Variants in PDE1A observed in about 807,000 individuals in gnomAD.
The protein encoded by PDE1A is phosphodiesterase 1A, also known as dual specificity calcium/calmodulin-dependent 3',5'-cyclic nucleotide phosphodiesterase 1A.
In PDE1A, 35 loss-of-function variants were observed where a neutral mutation model predicts 61.7. The observed-to-expected ratio is 0.57, with a 90% CI of 0.43 to 0.75. The LOEUF (loss-of-function observed/expected upper bound fraction) is 0.75. PDE1A is among the 30% of genes least tolerant of loss of function. PDE1A has a pLI of 0.00. For synonymous variants in PDE1A, 232 were observed against 213.2 expected (o/e 1.09, Z -0.77); for missense variants, 597 against 630.6 (o/e 0.95, Z 0.57).
upstream of PDE1A, among the ~76,000 whole-genome samples, chr2:182,524,003 CA>C (rs1427313482): frequency 6.6e-6 from 1 of 152,070 alleles, no homozygotes; most frequent in Non-Finnish European, 1.5e-5. Context: ...CTTTCTCAGA[CA>C]AGATATTTCC....
chr2:182,273,431 T>C (rs1025649463), intron 1 of PDE1A, among the ~76,000 whole-genome samples: 2 of 151,674 alleles, frequency 1.3e-5, no homozygotes, highest in African/African-American at 4.8e-5. Context: ...TTTAGGCATA[T>C]GGCTAAGCCA....
At chr2:182,621,156 T>A in the PDE1A span, among the ~76,000 whole-genome samples, 1 of 152,294 alleles carries the variant, frequency 6.6e-6, no homozygotes, top group East Asian at 1.9e-4. Context: ...AGTCTGAGAA[T>A]TGGGAGCAGA....
At chr2:182,303,823 G>A (rs992000415) in intron 1 of PDE1A, among the ~76,000 whole-genome samples, 10 of 152,156 alleles carry the variant, frequency 6.6e-5, no homozygotes, top group Admixed American at 6.5e-4. Context: ...TGGATAAACT[G>A]CTGCAGCTTT....
intron 1 of PDE1A, among the ~76,000 whole-genome samples, chr2:182,322,689 T>C (rs1366145534): frequency 6.6e-6 from 1 of 152,210 alleles, no homozygotes; most frequent in Non-Finnish European, 1.5e-5. Context: ...GATTCACCAA[T>C]AGTTTTTATT....
intron 7 of PDE1A, among the ~76,000 whole-genome samples, chr2:182,221,109 C>T (rs1688688665): frequency 1.3e-5 from 2 of 151,942 alleles, no homozygotes; most frequent in African/African-American, 4.8e-5. Flanking sequence ...TGTCATCCCC[C>T]TCCTTTCCTC....
At chr2:182,350,858 C>T (rs534533559) in intron 1 of PDE1A, among the ~76,000 whole-genome samples, 53 of 152,304 alleles carry the variant, frequency 3.5e-4, no homozygotes, top group African/African-American at 1.2e-3. Flanking sequence ...ATATCACCCT[C>T]ACACGTTGAC....
chr2:182,485,477 C>T (rs1687959806), intron 2 of PDE1A, among the ~76,000 whole-genome samples: 1 of 151,830 alleles, frequency 6.6e-6, no homozygotes, highest in Non-Finnish European at 1.5e-5. Flanking sequence ...CACAAGTTTA[C>T]CTATGTAACT....
chr2:182,251,701 GTGCTGAATGGCAC>G (rs1691415249), intron 2 of PDE1A, among the ~76,000 whole-genome samples: 1 of 152,182 alleles, frequency 6.6e-6, no homozygotes, highest in African/African-American at 2.4e-5. Flanking sequence ...TCTATGACAT[GTGCTGAATGGCAC>G]TGCTTATTTC....
At chr2:182,610,307 AC>A in the PDE1A span, among the ~76,000 whole-genome samples, 1 of 152,178 alleles carries the variant, frequency 6.6e-6, no homozygotes, top group Non-Finnish European at 1.5e-5. Flanking sequence ...TCTTTTGTAC[AC>A]ATTAAGTCAA....
At chr2:182,401,492 C>T (rs1384589886) in intron 1 of PDE1A, among the ~76,000 whole-genome samples, 3 of 152,150 alleles carry the variant, frequency 2.0e-5, no homozygotes, top group Non-Finnish European at 4.4e-5. Context: ...TAAAAACTCT[C>T]AATAAACTAG....
chr2:182,444,275 G>C (rs1192587912), intron 2 of PDE1A, among the ~76,000 whole-genome samples: 1 of 152,024 alleles, frequency 6.6e-6, no homozygotes, highest in Non-Finnish European at 1.5e-5. Context: ...CCTCAGTATG[G>C]GTATGGGTAT....
chr2:182,519,610 A>T (rs1466589675), intron 2 of PDE1A, among the ~76,000 whole-genome samples: 1 of 151,944 alleles, frequency 6.6e-6, no homozygotes, highest in Non-Finnish European at 1.5e-5. Context: ...CAATAAAAGA[A>T]AACAAAAATG....
intron 2 of PDE1A, among the ~76,000 whole-genome samples, chr2:182,507,687 A>G (rs887558892): frequency 6.6e-6 from 1 of 152,354 alleles, no homozygotes; most frequent in Middle Eastern, 3.4e-3. Flanking sequence ...CAACAATATG[A>G]TAGAATTTCT....
At chr2:182,409,133 C>T (rs1383793943) in intron 1 of PDE1A, among the ~76,000 whole-genome samples, 1 of 152,144 alleles carries the variant, frequency 6.6e-6, no homozygotes. Context: ...TCCCTTGATT[C>T]ATTTTTCAAT....
At chr2:182,259,085 T>G (rs1692027235) in intron 2 of PDE1A, among the ~76,000 whole-genome samples, 1 of 152,176 alleles carries the variant, frequency 6.6e-6, no homozygotes, top group South Asian at 2.1e-4. Context: ...ACTCAGTAAT[T>G]TCAAGGATCT....
Position 182,147,166 on chromosome 2 carries a change from G to GAAACAAAAGCA in PDE1A, c.1517-25_1517-15dup. On this transcript the variant is annotated splice_polypyrimidine_tract_variant and intron_variant, in intron 13 of 13. Transcript: ENST00000409365. ...GATCAGATTCACCTAAAAATATAAG[G>GAAACAAAAGCA]AAACAAAAGCAAAACAAAACAAAAT... 2 of 1,503,702 alleles carry GAAACAAAAGCA rather than the reference G, an allele frequency of 1.3e-6. No individual in the cohort carries two copies. Among genetic ancestry groups the GAAACAAAAGCA allele is most frequent in the Non-Finnish European group, 1.8e-6 (2 of 1,090,326 alleles). 93.1% of individuals were successfully genotyped at this position (1,503,702 alleles called of 1,614,324 possible). A position where few individuals can be genotyped will look rare whatever the true frequency, so the allele number is the denominator to read the frequency against.
chr2:182,512,486 T>A (rs1300603446), intron 2 of PDE1A, among the ~76,000 whole-genome samples: 1 of 152,048 alleles, frequency 6.6e-6, no homozygotes, highest in African/African-American at 2.4e-5. Context: ...TAAAGAAACA[T>A]CAGCTTACAC....
downstream of PDE1A, among the ~76,000 whole-genome samples, chr2:182,146,488 T>A (rs796282576): frequency 3.3e-5 from 5 of 152,020 alleles, no homozygotes; most frequent in Admixed American, 1.3e-4. Context: ...ATTATTGTTA[T>A]TATTATTATT....
the PDE1A span, among the ~76,000 whole-genome samples, chr2:182,712,351 G>C: frequency 1.3e-5 from 2 of 152,198 alleles, no homozygotes; most frequent in African/African-American, 4.8e-5. Flanking sequence ...CTGAGGATTA[G>C]ATGGTAATAA....
Sources: allele counts gnomAD v4.1 joint callset (sites outside exome capture counted in the v4.1 genomes callset), GRCh38; gene constraint gnomAD v4.1.1; transcripts MANE v1.5; gene names NCBI Gene and HGNC (gene_info 2026-07-23, HGNC 2026-07-21).